IQGAP1: variants seen among roughly 807,000 people sequenced by gnomAD.
IQGAP1 encodes the protein ras GTPase-activating-like protein IQGAP1.
Under a neutral mutation model 215.6 loss-of-function variants are expected in IQGAP1, and 66 were observed. The ratio of observed to expected loss-of-function variants is 0.31; its 90% CI spans 0.25 to 0.38. The LOEUF (loss-of-function observed/expected upper bound fraction) is 0.38. Among genes scored for constraint, IQGAP1 ranks in the 10% least tolerant of loss-of-function variants. The pLI, the probability that IQGAP1 is intolerant of heterozygous loss-of-function variation, is 1.00. For missense variants in IQGAP1, 1,712 were observed against 1,997.1 expected (o/e 0.86, Z 2.72); for synonymous variants, 772 against 728.7 (o/e 1.06, Z -0.96).
intron 13 of IQGAP1, 136 bp from the exon 14 acceptor site, chr15:90,454,292 T>C: frequency 2.3e-6 from 2 of 857,816 alleles, no homozygotes; most frequent in African/African-American, 1.7e-5. Context: ...TTTTGCACTT[T>C]GTTTAAAGTA....
In IQGAP1 at chr15:90,491,430, A is replaced by G. The variant is rs141544591; in HGVS notation, c.4346A>G (p.Asn1449Ser). Residue 1449 changes from asparagine to serine, a missense_variant, in exon 34 of 38, where the codon AAC becomes AGC. By Grantham distance (46) the Asn-to-Ser change is conservative (BLOSUM62 1). Around this residue, in one of 2 missense-constraint regions of IQGAP1, gnomAD observed 691 missense variants for 923.0 expected, o/e 0.75. Coordinates refer to ENST00000268182, the MANE Select transcript of IQGAP1 (RefSeq NM_003870.4). ...TCAAAATCTGTAAAGGAAGACAGCA[A>G]CCTCACTCTTCAAGAGAAGAAAGAG... ...KKSKSVKEDS[N>S]LTLQEKKEKI... 3 of 1,614,118 alleles carry G rather than the reference A, an allele frequency of 1.9e-6. No individual in the cohort carries two copies. Among genetic ancestry groups the G allele is most frequent in the Admixed American group, 1.7e-5 (1 of 60,018 alleles).
At chr15:90,483,112 A>G in intron 28 of IQGAP1, 1 of 416,416 alleles carries the variant, frequency 2.4e-6, no homozygotes, top group South Asian at 3.0e-5. Context: ...CTGCTCTTTC[A>G]TTAACTACTG....
intron 2 of IQGAP1, among the ~76,000 whole-genome samples, chr15:90,408,008 G>C (rs1964904228): frequency 6.6e-6 from 1 of 152,228 alleles, no homozygotes; most frequent in African/African-American, 2.4e-5. Context: ...TGAGAGTTTA[G>C]ACAGGGAAAG....
intron 4 of IQGAP1, among the ~76,000 whole-genome samples, chr15:90,431,571 G>T (rs1253195834): frequency 6.6e-6 from 1 of 151,802 alleles, no homozygotes; most frequent in Non-Finnish European, 1.5e-5. Context: ...ACCTTTTTTG[G>T]TTTACTAACA....
chr15:90,432,695 T>C (rs967644131), intron 4 of IQGAP1, among the ~76,000 whole-genome samples: 1 of 152,244 alleles, frequency 6.6e-6, no homozygotes, highest in Non-Finnish European at 1.5e-5. Context: ...ATTTCTCTTA[T>C]TTGGAAGGCC....
Position 90,500,019 on chromosome 15 carries a change from G to T in IQGAP1, c.4885G>T (p.Gly1629Ter). Reference sequence around the variant, plus strand: ...GGACCTGCTGCAGCTACAGTATGAAGGAGTTGCAGTCATGAAATTATTTGA... The same window carrying T: ...GGACCTGCTGCAGCTACAGTATGAATGAGTTGCAGTCATGAAATTATTTGA... The part of the protein sequence containing the change: ...YQDLLQLQYE[G>*]VAVMKLFDRA... Residue 1629 changes from glycine to a stop codon, truncating the protein, a stop_gained, in exon 38 of 38, where the codon GGA becomes TGA. Coordinates refer to ENST00000268182, the MANE Select transcript of IQGAP1 (RefSeq NM_003870.4). LOFTEE classifies it high-confidence loss of function. 6.2e-7 allele frequency: 1 copy of T among 1,607,934 alleles called. No individual in the cohort carries two copies. Among genetic ancestry groups the T allele is most frequent in the Non-Finnish European group, 8.5e-7 (1 of 1,174,442 alleles).
chr15:90,426,034 A>G, intron 2 of IQGAP1, 76 bp from the exon 3 acceptor site: 1 of 1,411,200 alleles, frequency 7.1e-7, no homozygotes, highest in Non-Finnish European at 9.6e-7. Flanking sequence ...AGGAGAATGG[A>G]AATAAAGCTT....
At chr15:90,418,210 A>G (rs1965080629) in intron 2 of IQGAP1, among the ~76,000 whole-genome samples, 1 of 151,976 alleles carries the variant, frequency 6.6e-6, no homozygotes, top group South Asian at 2.1e-4. Context: ...GTCAGAATAG[A>G]CACCTTTTTT....
At chr15:90,407,799 G>C (rs956622567) in intron 2 of IQGAP1, among the ~76,000 whole-genome samples, 1 of 152,100 alleles carries the variant, frequency 6.6e-6, no homozygotes, top group Non-Finnish European at 1.5e-5. Context: ...CACGTTTTTA[G>C]CTCCTCCATT....
chr15:90,408,706 T>C (rs1328933309), intron 2 of IQGAP1, among the ~76,000 whole-genome samples: 1 of 152,206 alleles, frequency 6.6e-6, no homozygotes, highest in Non-Finnish European at 1.5e-5. Flanking sequence ...CGTGGCTTGA[T>C]GACATCTATT....
chr15:90,405,738 C>A (rs932869790), intron 2 of IQGAP1, among the ~76,000 whole-genome samples: 1 of 132,798 alleles, frequency 7.5e-6, no homozygotes, highest in Non-Finnish European at 1.6e-5. Context: ...CAATAGTGTT[C>A]CAGGTTTTTT....
chr15:90,497,216 T>C lies in IQGAP1; in HGVS notation c.4752-16T>C. On this transcript the variant is annotated splice_polypyrimidine_tract_variant and intron_variant, in intron 36 of 37. Coordinates refer to ENST00000268182, the MANE Select transcript of IQGAP1 (RefSeq NM_003870.4). ...GAATATAAAAACCATACCCTTACGA[T>C]GTTATCTTTCAACAGGTTTAAAAAT... is the stretch of plus-strand genomic sequence containing the variant. The C allele has an allele frequency of 7.7e-7, 1 of 1,291,852 alleles. No individual in the cohort carries two copies. The highest frequency in any genetic ancestry group is 1.1e-6 in the Non-Finnish European group (1 of 890,326). The allele number at this position is 1,291,852 out of a possible 1,614,324, so 80.0% of individuals were successfully genotyped here.
At chr15:90,462,058 C>T (rs565109893) in intron 15 of IQGAP1, among the ~76,000 whole-genome samples, 1 of 151,626 alleles carries the variant, frequency 6.6e-6, no homozygotes, top group African/African-American at 2.4e-5. Flanking sequence ...GTCCCAGCTA[C>T]TCGGGAGGCT....
intron 8 of IQGAP1, among the ~76,000 whole-genome samples, 176 bp from the exon 9 acceptor site, chr15:90,443,218 T>G (rs1223265856): frequency 6.6e-6 from 1 of 152,186 alleles, no homozygotes. Context: ...ACCTTGGCCT[T>G]CCAAAGCACT....
At chr15:90,493,585 T>C (rs1258307286) in intron 35 of IQGAP1, among the ~76,000 whole-genome samples, 1 of 152,254 alleles carries the variant, frequency 6.6e-6, no homozygotes. Context: ...ATCGAATGAA[T>C]AGAACAATAA....
chr15:90,415,352 G>C (rs8039719), intron 2 of IQGAP1, among the ~76,000 whole-genome samples: 28,113 of 151,960 alleles, frequency 0.19, 2,709 homozygotes, highest in South Asian at 0.23. Context: ...TATATGTTGT[G>C]ATTTTTTTTC....
At position 90,492,538 on chromosome 15, in the gene IQGAP1, G is replaced by A. The variant is rs374585171; in HGVS notation, c.4462-7G>A. The A allele has an allele frequency of 5.2e-6, 8 of 1,525,930 alleles. No homozygotes were observed. Among genetic ancestry groups the A allele is most frequent in the Middle Eastern group, 1.8e-4 (1 of 5,640 alleles). The allele number at this position is 1,525,930 out of a possible 1,614,324, so 94.5% of individuals were successfully genotyped here. A position where few individuals can be genotyped will look rare whatever the true frequency, so the allele number is the denominator to read the frequency against. ...TTATTTTTCTAACTTTAATAATTAT[G>A]TCTCAGGATATTCGGAATCAGCGGA... On this transcript the variant is annotated splice_region_variant and splice_polypyrimidine_tract_variant and intron_variant, in intron 34 of 37. Coordinates refer to ENST00000268182, the MANE Select transcript of IQGAP1 (RefSeq NM_003870.4).
intron 9 of IQGAP1, 91 bp from the exon 10 acceptor site, chr15:90,448,482 C>T: frequency 8.7e-7 from 1 of 1,147,184 alleles, no homozygotes; most frequent in Non-Finnish European, 1.2e-6. Flanking sequence ...ATTTCCTTAT[C>T]TGGAACTGAG....
chr15:90,443,363 TA>T, intron 8 of IQGAP1, 30 bp from the exon 9 acceptor site: 7 of 1,451,782 alleles, frequency 4.8e-6, no homozygotes, highest in Non-Finnish European at 6.8e-6. Context: ...CACCTTAAGC[TA>T]ACTTAATTAC....
Sources: allele counts gnomAD v4.1 joint callset (sites outside exome capture counted in the v4.1 genomes callset), GRCh38; gene constraint gnomAD v4.1.1; regional missense constraint gnomAD v4.1.1; transcripts MANE v1.5; gene names NCBI Gene and HGNC (gene_info 2026-07-23, HGNC 2026-07-21).